FMN1: variants seen among roughly 807,000 people sequenced by gnomAD.
FMN1 encodes the protein formin 1, also known as formin-1.
In FMN1, 110 loss-of-function variants were observed where a neutral mutation model predicts 132.4. The ratio of observed to expected loss-of-function variants is 0.83; its 90% CI spans 0.71 to 0.97. The LOEUF (loss-of-function observed/expected upper bound fraction) is 0.97. Among genes scored for constraint, FMN1 ranks in the 50% least tolerant of loss-of-function variants. The probability of loss-of-function intolerance (pLI) is 0.00; values close to 1 mark genes in which losing one functional copy is unlikely to be tolerated. For missense variants in FMN1, 1,792 were observed against 1,705.3 expected (o/e 1.05, Z -0.90); for synonymous variants, 722 against 651.7 (o/e 1.11, Z -1.64).
chr15:33,123,976 A>G (rs1028074386), intron 4 of FMN1, among the ~76,000 whole-genome samples: 1 of 152,236 alleles, frequency 6.6e-6, no homozygotes, highest in Non-Finnish European at 1.5e-5. Context: ...AGATTCTTCC[A>G]GCTCAGTAAC....
At chr15:33,122,862 T>C (rs936655806) in intron 4 of FMN1, among the ~76,000 whole-genome samples, 2 of 152,164 alleles carry the variant, frequency 1.3e-5, no homozygotes, top group African/African-American at 4.8e-5. Context: ...ATTGACATAG[T>C]ATAGGCTATC....
intron 5 of FMN1, among the ~76,000 whole-genome samples, chr15:33,068,585 A>C (rs61999987): frequency 2.0e-5 from 3 of 152,152 alleles, no homozygotes; most frequent in Non-Finnish European, 4.4e-5. Flanking sequence ...GATCATCTCA[A>C]AAGTGCCTAG....
At chr15:33,148,658 C>A (rs1964324152) in intron 4 of FMN1, among the ~76,000 whole-genome samples, 1 of 151,564 alleles carries the variant, frequency 6.6e-6, no homozygotes, top group African/African-American at 2.5e-5. Context: ...TCTCCCCTGT[C>A]TGGGCTCCAG....
chr15:33,106,999 C>A (rs993897069), intron 4 of FMN1, among the ~76,000 whole-genome samples: 2 of 152,008 alleles, frequency 1.3e-5, no homozygotes, highest in Non-Finnish European at 2.9e-5. Flanking sequence ...CTCATACAGG[C>A]ACCCAAGTAC....
intron 9 of FMN1, among the ~76,000 whole-genome samples, chr15:32,950,004 C>T (rs572365769): frequency 8.9e-5 from 2 of 22,426 alleles, no homozygotes; most frequent in African/African-American, 5.7e-4. Context: ...TACACATACA[C>T]ATATATATAT....
chr15:33,033,220 C>T (rs895415054), intron 6 of FMN1, among the ~76,000 whole-genome samples: 14 of 152,150 alleles, frequency 9.2e-5, no homozygotes, highest in Middle Eastern at 3.4e-3. Context: ...TTAGTAGAGA[C>T]GGGGTTTCAC....
At chr15:33,128,285 G>A (rs1312410065) in intron 4 of FMN1, among the ~76,000 whole-genome samples, 1 of 152,182 alleles carries the variant, frequency 6.6e-6, no homozygotes, top group African/African-American at 2.4e-5. Context: ...CAACAGTTGG[G>A]AATTTGAACA....
chr15:33,145,877 A>C (rs1964196805), intron 4 of FMN1, among the ~76,000 whole-genome samples: 2 of 152,026 alleles, frequency 1.3e-5, no homozygotes, highest in African/African-American at 4.8e-5. Context: ...CCCTCTAAAC[A>C]CAAAACTGAA....
At chr15:32,887,701 A>T (rs12102141) in intron 16 of FMN1, among the ~76,000 whole-genome samples, 8,583 of 152,160 alleles carry the variant, frequency 0.056, 322 homozygotes, top group African/African-American at 0.085. Flanking sequence ...GAAACTAGAA[A>T]ATGTGAGTTC....
intron 4 of FMN1, chr15:33,106,367 T>C (rs1236102438): frequency 2.0e-5 from 3 of 151,916 alleles, no homozygotes; most frequent in Non-Finnish European, 4.4e-5. Flanking sequence ...ATTGTCTCTG[T>C]GGCCTTTTTT....
At chr15:32,860,566 T>TG (rs2059245845) in intron 16 of FMN1, 1 of 152,114 alleles carries the variant, frequency 6.6e-6, no homozygotes, top group Admixed American at 6.6e-5. Context: ...GGTGAGAGGA[T>TG]CACCTGAACC....
At chr15:33,093,720 C>T (rs553092465) in intron 4 of FMN1, among the ~76,000 whole-genome samples, 6 of 152,042 alleles carry the variant, frequency 3.9e-5, no homozygotes, top group Non-Finnish European at 8.8e-5. Flanking sequence ...GATGGACAGG[C>T]GGAAGGTGTG....
At chr15:33,020,638 CAA>C (rs3081420) in intron 6 of FMN1, among the ~76,000 whole-genome samples, 43,617 of 135,574 alleles carry the variant, frequency 0.32, 6,693 homozygotes, top group Non-Finnish European at 0.34. Context: ...AACTCCGTCT[CAA>C]AAAAAAAAAA....
At chr15:32,947,798 A>G (rs2061541671) in intron 9 of FMN1, among the ~76,000 whole-genome samples, 1 of 152,086 alleles carries the variant, frequency 6.6e-6, no homozygotes, top group African/African-American at 2.4e-5. Flanking sequence ...GTGTATAAAA[A>G]TGCAATTGAT....
At chr15:33,019,130 G>A (rs2035266323) in intron 6 of FMN1, among the ~76,000 whole-genome samples, 1 of 152,084 alleles carries the variant, frequency 6.6e-6, no homozygotes, top group African/African-American at 2.4e-5. Flanking sequence ...ATTTTACAGA[G>A]AGCTGATTGG....
intron 17 of FMN1, among the ~76,000 whole-genome samples, chr15:32,830,903 G>A (rs1430904008): frequency 1.3e-5 from 2 of 152,050 alleles, no homozygotes; most frequent in South Asian, 2.1e-4. Flanking sequence ...CTTTCAGATC[G>A]GGAGGGCAGG....
intron 4 of FMN1, among the ~76,000 whole-genome samples, chr15:33,118,137 T>C (rs1379241605): frequency 2.0e-5 from 3 of 152,230 alleles, no homozygotes; most frequent in African/African-American, 7.2e-5. Context: ...GGAATGCCAA[T>C]ACACCACAAA....
intron 6 of FMN1, among the ~76,000 whole-genome samples, chr15:33,058,045 G>A (rs1007215929): frequency 4.0e-5 from 6 of 148,414 alleles, no homozygotes; most frequent in Admixed American, 6.8e-5. Flanking sequence ...GCGGGCTGGT[G>A]GTGGAAAGGT....
At chr15:32,921,506 C>A (rs751041115) in intron 10 of FMN1, among the ~76,000 whole-genome samples, 3 of 152,136 alleles carry the variant, frequency 2.0e-5, no homozygotes, top group Non-Finnish European at 4.4e-5. Context: ...CAGATCACAA[C>A]ATGGCCCTTC....
Sources: gnomAD v4.1 joint callset for allele counts (sites outside exome capture counted in the v4.1 genomes callset) on GRCh38, gnomAD v4.1.1 for gene constraint, MANE v1.5 for transcripts, NCBI Gene and HGNC (gene_info 2026-07-23, HGNC 2026-07-21) for gene names.